The following ZFP3 variants were observed in gnomAD, a reference collection of about 807,000 sequenced individuals.
ZFP3 encodes the protein zinc finger protein 3 homolog.
ZFP3 carries 18 observed loss-of-function variants against 36.7 expected under a neutral mutation model. The ratio of observed to expected loss-of-function variants is 0.49; its 90% CI spans 0.34 to 0.73. ZFP3 has a LOEUF of 0.73. ZFP3 is among the 30% of genes least tolerant of loss of function. The pLI, the probability that ZFP3 is intolerant of heterozygous loss-of-function variation, is 0.01. For synonymous variants in ZFP3, 218 were observed against 199.0 expected, an observed-to-expected ratio of 1.10 and a Z score of -0.81; for missense variants, 495 against 599.0, an observed-to-expected ratio of 0.83 and a Z score of 1.81.
intron 1 of ZFP3, among the ~76,000 whole-genome samples, chr17:5,081,006 T>A (rs1029061240): frequency 3.3e-5 from 5 of 152,094 alleles, no homozygotes; most frequent in Admixed American, 2.0e-4. Context: ...CATCAAAATG[T>A]CAGTGCTGCC....
At chr17:5,089,496 A>G (rs1297569331) in intron 1 of ZFP3, among the ~76,000 whole-genome samples, 5 of 152,222 alleles carry the variant, frequency 3.3e-5, no homozygotes, top group Non-Finnish European at 5.9e-5. Flanking sequence ...CAAAAATTAA[A>G]AAGCTGGGGA....
At chr17:5,089,748 T>C (rs2072140216) in intron 1 of ZFP3, among the ~76,000 whole-genome samples, 1 of 144,624 alleles carries the variant, frequency 6.9e-6, no homozygotes, top group African/African-American at 2.6e-5. Flanking sequence ...CTTGACCCCC[T>C]GGGCTCAAGT....
chr17:5,092,409 T>C lies in ZFP3; in HGVS notation c.905T>C (p.Ile302Thr). 2 of 1,614,124 alleles carry C rather than the reference T, an allele frequency of 1.2e-6. No homozygotes were observed. The highest frequency in any genetic ancestry group is 2.2e-5 in the South Asian group (2 of 91,084). Residue 302 changes from isoleucine to threonine, a missense_variant, in exon 2 of 2, where the codon ATT becomes ACT. Around this residue, in one of 3 missense-constraint regions of ZFP3, gnomAD observed 103 missense variants for 186.8 expected, o/e 0.55. Transcript: ENST00000318833. The surrounding 1 kb of genome is among the most constrained non-coding windows in gnomAD (Gnocchi z 5.0). ...TCAGGCCTTATTAGACACCAGAAAA[T>C]TCATACTGGAGAAAAACCATATCTG... ...HSSGLIRHQK[I>T]HTGEKPYLCN...
chr17:5,080,006 TCCAG>T (rs1338404475), intron 1 of ZFP3, among the ~76,000 whole-genome samples: 1 of 150,982 alleles, frequency 6.6e-6, no homozygotes, highest in African/African-American at 2.4e-5. Flanking sequence ...GCCATTGCAC[TCCAG>T]CCTGGGAGAC....
In ZFP3 at chr17:5,092,778, A is replaced by G. The variant is rs2072157428; in HGVS notation, c.1274A>G (p.Glu425Gly). Residue 425 changes from glutamate (E) to glycine (G), a missense_variant, in exon 2 of 2, where the codon GAG becomes GGG. Glu to Gly is a moderately conservative substitution (Grantham distance 98). This residue lies in a region of ZFP3 where 163 missense variants were observed against 178.4 expected (regional missense o/e 0.91). Coordinates refer to ENST00000318833, the MANE Select transcript of ZFP3 (RefSeq NM_153018.3). This position sits in a 1 kb window ranked among gnomAD's most constrained non-coding sequence, Gnocchi z 5.0. ...HTGEKPHQCN[E>G]CARTFWDNSE... is the part of the protein sequence containing the mutation. Reference sequence around the variant, plus strand: ...GGAGAGAAACCCCATCAATGTAATGAGTGTGCAAGAACCTTTTGGGATAAT... The same window carrying G: ...GGAGAGAAACCCCATCAATGTAATGGGTGTGCAAGAACCTTTTGGGATAAT... The G allele has an allele frequency of 6.2e-7, 1 of 1,614,200 alleles. No homozygotes were observed. Among genetic ancestry groups the G allele is most frequent in the East Asian group, 2.2e-5 (1 of 44,890 alleles).
In ZFP3 at chr17:5,093,174, AC is replaced by A; in HGVS notation, c.*162del. ...AATAGTTGGTTGAAGAAGATGAGGC[AC>A]TTTTTTTTTTTTTTTTTTAAGCATT... On this transcript the variant is annotated 3_prime_UTR_variant, in exon 2 of 2. Transcript: ENST00000318833. 4 of 552,650 alleles carry A rather than the reference AC, an allele frequency of 7.2e-6. No individual in the cohort carries two copies. Among genetic ancestry groups the A allele is most frequent in the South Asian group, 3.5e-5 (1 of 28,668 alleles). The allele number at this position is 552,650 out of a possible 1,614,324, so 34.2% of individuals were successfully genotyped here. A position where few individuals can be genotyped will look rare whatever the true frequency, so the allele number is the denominator to read the frequency against.
chr17:5,093,095 A>G lies in ZFP3; in HGVS notation c.*82A>G. On this transcript the variant is annotated 3_prime_UTR_variant, in exon 2 of 2. Transcript: ENST00000318833. ...TCATAATATGCAAATATGCACCCCA[A>G]GTATTCAAATCCAATGAATGGACAG... is the stretch of plus-strand genomic sequence containing the variant. 1 of 1,391,424 alleles carries G rather than the reference A, an allele frequency of 7.2e-7. No homozygotes were observed. The highest frequency in any genetic ancestry group is 1.5e-5 in the South Asian group (1 of 66,138). The allele number at this position is 1,391,424 out of a possible 1,614,324, so 86.2% of individuals were successfully genotyped here.
rs1016778231 is a variant in ZFP3 at position 5,092,347 on chromosome 17, T to C, written c.843T>C (p.His281=). 3 of 1,614,060 alleles carry C rather than the reference T, an allele frequency of 1.9e-6. No individual in the cohort carries two copies. The highest frequency in any genetic ancestry group is 2.5e-6 in the Non-Finnish European group (3 of 1,180,040). ...GAATTCATACTGAAGAAAGATACCATGAATGCAATGAGTGTGGCAAAGCCT... is the reference window on the plus strand; with the variant it reads ...GAATTCATACTGAAGAAAGATACCACGAATGCAATGAGTGTGGCAAAGCCT... ...HQRIHTEERY[H]ECNECGKAFK... is the part of the protein sequence containing the mutation. Residue 281 remains histidine, a synonymous_variant, in exon 2 of 2, where the codon CAT becomes CAC. Transcript: ENST00000318833. The surrounding 1 kb of genome is among the most constrained non-coding windows in gnomAD (Gnocchi z 5.0).
rs528924000 is a variant in ZFP3, at chr17:5,078,920, C to T, written c.-9+345C>T. On this transcript the variant is annotated intron_variant, in intron 1 of 1. Coordinates refer to ENST00000318833, the MANE Select transcript of ZFP3 (RefSeq NM_153018.3). This position sits in a 1 kb window ranked among gnomAD's most constrained non-coding sequence, Gnocchi z 4.5. ...TCCACCCCCAAGTAAACCGCTAGGA[C>T]GAAATGGCGGGCAGTGTCACAAACT... is the stretch of plus-strand genomic sequence containing the variant. Among the ~76,000 whole-genome samples the T allele has an allele frequency of 2.4e-4, 37 of 152,272 alleles. No individual in the cohort carries two copies. The highest frequency in any genetic ancestry group is 2.3e-3 in the Admixed American group (35 of 15,306).
intron 1 of ZFP3, among the ~76,000 whole-genome samples, chr17:5,087,366 C>G (rs940171675): frequency 6.6e-6 from 1 of 152,206 alleles, no homozygotes; most frequent in Non-Finnish European, 1.5e-5. Flanking sequence ...GCGTGAGCCA[C>G]CGTTCCTAGC....
chr17:5,090,208 A>G (rs948091477), intron 1 of ZFP3, among the ~76,000 whole-genome samples: 2 of 152,218 alleles, frequency 1.3e-5, no homozygotes, highest in Non-Finnish European at 2.9e-5. Context: ...ATAGACAGGA[A>G]AGGTCTGAAA....
At chr17:5,082,088 C>G (rs2072096660) in intron 1 of ZFP3, among the ~76,000 whole-genome samples, 1 of 151,536 alleles carries the variant, frequency 6.6e-6, no homozygotes, top group South Asian at 2.1e-4. Flanking sequence ...TGCCTCACGC[C>G]TGTAATCCCA....
rs1487464876 is a variant in ZFP3, at chr17:5,092,072, A to C, written c.568A>C (p.Ile190Leu). ...TNSSLRRHLR[I>L]HAGEKPFACN... ...TTCAAGCCTTCGACGGCACCTGAGA[A>C]TTCATGCTGGAGAAAAACCCTTTGC... Residue 190 changes from isoleucine (I) to leucine (L), a missense_variant, in exon 2 of 2, where the codon ATT (isoleucine) becomes CTT (leucine). Physicochemically the swap from Ile to Leu is conservative, Grantham distance 5. Around this residue, in one of 3 missense-constraint regions of ZFP3, gnomAD observed 229 missense variants for 233.8 expected, o/e 0.98. Coordinates refer to ENST00000318833, the MANE Select transcript of ZFP3 (RefSeq NM_153018.3). This position sits in a 1 kb window ranked among gnomAD's most constrained non-coding sequence, Gnocchi z 5.0. 5 of 1,614,132 alleles carry C rather than the reference A, an allele frequency of 3.1e-6. No homozygotes were observed. In the African/African-American group the frequency reaches 6.7e-5, roughly 22 times the overall value.
chr17:5,089,046 T>C (rs1331367718), intron 1 of ZFP3, among the ~76,000 whole-genome samples: 2 of 152,182 alleles, frequency 1.3e-5, no homozygotes, highest in East Asian at 3.8e-4. Flanking sequence ...TGAACAAAGG[T>C]CAGGCTTATT....
chr17:5,088,477 T>TA (rs2072132412), intron 1 of ZFP3, among the ~76,000 whole-genome samples: 1 of 34,784 alleles, frequency 2.9e-5, no homozygotes, highest in African/African-American at 1.5e-4. Context: ...TACTGCTTTC[T>TA]TTTTTTTTTT....
Position 5,092,793 on chromosome 17 carries a change from T to C in ZFP3, c.1289T>C (p.Phe430Ser), listed in dbSNP as rs1567750436. 7 of 1,614,150 alleles carry C rather than the reference T, an allele frequency of 4.3e-6. No homozygotes were observed. Among genetic ancestry groups the C allele is most frequent in the Non-Finnish European group, 5.9e-6 (7 of 1,180,024 alleles). Reference sequence around the variant, plus strand: ...CAATGTAATGAGTGTGCAAGAACCTTTTGGGATAATTCTGAGCTGCTTCTC... The same window carrying C: ...CAATGTAATGAGTGTGCAAGAACCTCTTGGGATAATTCTGAGCTGCTTCTC... ...PHQCNECART[F>S]WDNSELLLHQ... Residue 430 changes from phenylalanine (F) to serine (S), a missense_variant, in exon 2 of 2, where the codon TTT (phenylalanine) becomes TCT (serine). Physicochemically the swap from Phe to Ser is radical, Grantham distance 155. Around this residue, in one of 3 missense-constraint regions of ZFP3, gnomAD observed 163 missense variants for 178.4 expected, o/e 0.91. Transcript: ENST00000318833. The surrounding 1 kb of genome is among the most constrained non-coding windows in gnomAD (Gnocchi z 5.0).
intron 1 of ZFP3, among the ~76,000 whole-genome samples, chr17:5,084,793 T>C (rs1660826684): frequency 6.6e-6 from 1 of 152,180 alleles, no homozygotes; most frequent in Non-Finnish European, 1.5e-5. Flanking sequence ...AGTGAGGAAG[T>C]GAGAAACGGA....
rs2072157264 is a variant in ZFP3, at chr17:5,092,755, A to C, written c.1251A>C (p.Gly417=). The change falls in exon 2 of 2, where the codon GGA becomes GGC. Residue 417 remains glycine, a synonymous_variant. Coordinates refer to ENST00000318833, the MANE Select transcript of ZFP3 (RefSeq NM_153018.3). This position sits in a 1 kb window ranked among gnomAD's most constrained non-coding sequence, Gnocchi z 5.0. The part of the protein sequence containing the change: ...HLIVHQRIHT[G]EKPHQCNECA... ...TTGTCCACCAGAGAATTCATACTGGAGAGAAACCCCATCAATGTAATGAGT... is the reference window on the plus strand; with the variant it reads ...TTGTCCACCAGAGAATTCATACTGGCGAGAAACCCCATCAATGTAATGAGT... The C allele has an allele frequency of 1.2e-6, 2 of 1,614,152 alleles. No individual in the cohort carries two copies. Among genetic ancestry groups the C allele is most frequent in the Non-Finnish European group, 8.5e-7 (1 of 1,180,028 alleles).
At chr17:5,087,607 G>A (rs193289948) in intron 1 of ZFP3, among the ~76,000 whole-genome samples, 48 of 152,202 alleles carry the variant, frequency 3.2e-4, no homozygotes, top group African/African-American at 1.1e-3. Context: ...GTGTGGGCAG[G>A]TCATTGAAGA....
Sources: allele counts gnomAD v4.1 joint callset (sites outside exome capture counted in the v4.1 genomes callset), GRCh38; gene constraint gnomAD v4.1.1; regional missense constraint gnomAD v4.1.1; non-coding constraint Gnocchi (gnomAD v3.1); transcripts MANE v1.5; gene names NCBI Gene and HGNC (gene_info 2026-07-23, HGNC 2026-07-21).